The following SORCS3 variants were observed in gnomAD, a reference collection of about 807,000 sequenced individuals.
SORCS3 encodes VPS10 domain-containing receptor SorCS3.
In SORCS3, 57 loss-of-function variants were observed where a neutral mutation model predicts 146.3. That is an observed-to-expected ratio of 0.39 (90% CI 0.31 to 0.49). The LOEUF (loss-of-function observed/expected upper bound fraction) is 0.49, where lower values mean the gene tolerates loss of function less well. Ranked by LOEUF, SORCS3 falls within the 20% of genes least tolerant of loss-of-function variation. The pLI is 0.92. For synonymous variants in SORCS3, 653 were observed against 618.5 expected, an observed-to-expected ratio of 1.06 and a Z score of -0.83; for missense variants, 1,341 against 1,575.5, an observed-to-expected ratio of 0.85 and a Z score of 2.52.
At chr10:104,992,142 G>A (rs1010577396) in intron 4 of SORCS3, among the ~76,000 whole-genome samples, 2 of 152,154 alleles carry the variant, frequency 1.3e-5, no homozygotes, top group Non-Finnish European at 2.9e-5. Context: ...TAGGGTGTAG[G>A]GGAGGGAGCA....
intron 1 of SORCS3, among the ~76,000 whole-genome samples, chr10:104,793,573 G>A (rs1441781166): frequency 6.6e-6 from 1 of 152,148 alleles, no homozygotes; most frequent in Non-Finnish European, 1.5e-5. Context: ...GGATGGGATT[G>A]TTAGGACTTA....
At chr10:104,966,233 T>C (rs574769456) in intron 3 of SORCS3, among the ~76,000 whole-genome samples, 1 of 152,148 alleles carries the variant, frequency 6.6e-6, no homozygotes, top group East Asian at 1.9e-4. Flanking sequence ...ACCCCTTCTT[T>C]CTCCTCAGTT....
chr10:105,260,917 A>G (rs906522423), intron 25 of SORCS3, among the ~76,000 whole-genome samples: 7 of 152,238 alleles, frequency 4.6e-5, no homozygotes, highest in African/African-American at 9.6e-5. Context: ...GGTCTCTTCT[A>G]GAAGTGATAT....
rs541771571 is a variant in SORCS3, at chr10:105,262,815, G to C, written c.3604+324G>C. 6.7e-4 allele frequency among the ~76,000 whole-genome samples: 102 copies of C among 152,324 alleles called. 4 individuals carry two copies. The South Asian group carries it at 0.02, about 30-fold the overall frequency. On this transcript the variant is annotated intron_variant, in intron 26 of 26. Coordinates refer to ENST00000369701, the MANE Select transcript of SORCS3 (RefSeq NM_014978.3). ...CCTTACTAATGATTACATGAATGTG[G>C]AATCTGGCATCAGATAGCCCTGGAT...
chr10:105,215,205 C>G (rs984564113), intron 18 of SORCS3, among the ~76,000 whole-genome samples: 2 of 152,226 alleles, frequency 1.3e-5, no homozygotes, highest in African/African-American at 4.8e-5. Context: ...AATCAGACTA[C>G]ATACATTGAT....
chr10:105,179,643 A>G (rs2056431080), intron 14 of SORCS3, among the ~76,000 whole-genome samples: 1 of 152,242 alleles, frequency 6.6e-6, no homozygotes, highest in Admixed American at 6.5e-5. Flanking sequence ...GTATGAAAAC[A>G]ACACAGATTT....
chr10:104,996,677 G>C (rs2055029672), intron 4 of SORCS3, among the ~76,000 whole-genome samples: 1 of 152,130 alleles, frequency 6.6e-6, no homozygotes, highest in South Asian at 2.1e-4. Context: ...ATTTGTGACT[G>C]AGTACAAATA....
At chr10:105,021,380 C>T (rs549756598) in intron 4 of SORCS3, among the ~76,000 whole-genome samples, 1 of 152,248 alleles carries the variant, frequency 6.6e-6, no homozygotes, top group Admixed American at 6.5e-5. Flanking sequence ...CAAAACTTCC[C>T]ATTAGGCCCC....
chr10:104,917,478 G>A (rs987320364), intron 3 of SORCS3, among the ~76,000 whole-genome samples: 12 of 152,162 alleles, frequency 7.9e-5, no homozygotes, highest in Admixed American at 7.9e-4. Flanking sequence ...GTAACTCACA[G>A]TTACTTTGTG....
chr10:104,643,222 G>T (rs2015449188), intron 1 of SORCS3, among the ~76,000 whole-genome samples: 1 of 152,134 alleles, frequency 6.6e-6, no homozygotes, highest in African/African-American at 2.4e-5. Flanking sequence ...GCAACTCCCT[G>T]CCGTTTTGTA....
intron 5 of SORCS3, among the ~76,000 whole-genome samples, chr10:105,051,701 G>A (rs1450869352): frequency 6.6e-6 from 1 of 152,082 alleles, no homozygotes; most frequent in African/African-American, 2.4e-5. Context: ...TGCAAACACA[G>A]TCATTTGCAA....
chr10:105,233,487 A>G (rs1269810449), intron 20 of SORCS3, among the ~76,000 whole-genome samples: 1 of 152,016 alleles, frequency 6.6e-6, no homozygotes, highest in Admixed American at 6.6e-5. Context: ...TACACATGCT[A>G]TGGTGGTTTG....
At chr10:105,257,401 T>G (rs2056937922) in intron 25 of SORCS3, among the ~76,000 whole-genome samples, 1 of 152,186 alleles carries the variant, frequency 6.6e-6, no homozygotes. Flanking sequence ...ATGCTAAAGA[T>G]ATTCAACTAC....
chr10:104,844,490 A>G (rs1589521153), intron 2 of SORCS3, among the ~76,000 whole-genome samples: 2 of 152,172 alleles, frequency 1.3e-5, no homozygotes, highest in African/African-American at 4.8e-5. Flanking sequence ...CCTTCAAGTT[A>G]TGAAGGGTGT....
At chr10:105,144,490 A>G (rs2056117307) in intron 8 of SORCS3, among the ~76,000 whole-genome samples, 1 of 152,154 alleles carries the variant, frequency 6.6e-6, no homozygotes, top group Non-Finnish European at 1.5e-5. Context: ...TCAGTGAAGT[A>G]TTTTCACCAT....
rs1377208595 is a variant in SORCS3, at chr10:105,061,330, T to C, written c.1028+18202T>C. 3.5e-5 allele frequency among the ~76,000 whole-genome samples: 5 copies of C among 144,696 alleles called. No homozygotes were observed. The Admixed American group carries it at 3.5e-4, about 10-fold the overall frequency. The allele number at this position is 144,696 out of a possible 152,430, so 94.9% of individuals were successfully genotyped here. On this transcript the variant is annotated intron_variant, in intron 5 of 26. Coordinates refer to ENST00000369701, the MANE Select transcript of SORCS3 (RefSeq NM_014978.3). ...TTTTTTTTGAGGTGGAGTCTCGCTC[T>C]GTCACCCAGGCTGGAGTGCAGTGGT...
At chr10:105,058,311 G>C (rs77965758) in intron 5 of SORCS3, among the ~76,000 whole-genome samples, 1 of 152,294 alleles carries the variant, frequency 6.6e-6, no homozygotes, top group East Asian at 1.9e-4. Flanking sequence ...ATGGCCTTGC[G>C]CTTCTCCAAG....
chr10:104,795,894 T>C (rs2017549336), intron 1 of SORCS3, among the ~76,000 whole-genome samples: 1 of 152,242 alleles, frequency 6.6e-6, no homozygotes, highest in Non-Finnish European at 1.5e-5. Flanking sequence ...ACCAAGATTC[T>C]TTGATCTTGG....
chr10:105,161,531 T>C (rs1477574018), intron 11 of SORCS3, among the ~76,000 whole-genome samples: 1 of 152,088 alleles, frequency 6.6e-6, no homozygotes, highest in East Asian at 1.9e-4. Flanking sequence ...TACCCTGGGA[T>C]TCATCTCTTA....
Sources: gnomAD v4.1 joint callset for allele counts (sites outside exome capture counted in the v4.1 genomes callset) on GRCh38, gnomAD v4.1.1 for gene constraint, MANE v1.5 for transcripts, NCBI Gene and HGNC (gene_info 2026-07-23, HGNC 2026-07-21) for gene names.